The following ZNRF1 variants were observed in gnomAD, a reference collection of about 807,000 sequenced individuals.
ZNRF1 encodes the protein zinc and ring finger 1.
Under a neutral mutation model 18.4 loss-of-function variants are expected in ZNRF1, and 3 were observed. That is an observed-to-expected ratio of 0.16 (90% confidence interval 0.07 to 0.42). The LOEUF (loss-of-function observed/expected upper bound fraction) is 0.42. ZNRF1 is among the 10% of genes least tolerant of loss of function. The pLI is 0.99. For missense variants in ZNRF1, 310 were observed against 329.8 expected, an observed-to-expected ratio of 0.94 and a Z score of 0.47; for synonymous variants, 157 against 144.2, an observed-to-expected ratio of 1.09 and a Z score of -0.64.
chr16:75,035,974 A>AG (rs1359921389), intron 1 of ZNRF1, among the ~76,000 whole-genome samples: 1 of 152,170 alleles, frequency 6.6e-6, no homozygotes, highest in Non-Finnish European at 1.5e-5. Flanking sequence ...ATCTACTGGG[A>AG]GACTACCGTT....
chr16:75,078,215 A>G (rs1164610549), intron 1 of ZNRF1, among the ~76,000 whole-genome samples: 1 of 150,958 alleles, frequency 6.6e-6, no homozygotes, highest in African/African-American at 2.4e-5. Context: ...TGAATGCTGT[A>G]GCTCTGAGCC....
At chr16:75,094,382 C>T (rs996834302) in intron 2 of ZNRF1, among the ~76,000 whole-genome samples, 5 of 152,186 alleles carry the variant, frequency 3.3e-5, no homozygotes, top group African/African-American at 7.2e-5. Flanking sequence ...CCTAACAGGA[C>T]GCCTCTGGGA....
chr16:75,104,952 C>G (rs2036297132), intron 3 of ZNRF1, 63 bp downstream of exon 3: 7 of 1,353,226 alleles, frequency 5.2e-6, no homozygotes, highest in South Asian at 1.3e-5. Context: ...ACCCCCATCT[C>G]CAGCCATTCT....
chr16:75,072,795 A>C (rs1453775519), intron 1 of ZNRF1, among the ~76,000 whole-genome samples: 1 of 152,134 alleles, frequency 6.6e-6, no homozygotes, highest in East Asian at 1.9e-4. Flanking sequence ...GACATGGCTC[A>C]CCCAATTGGA....
chr16:75,041,314 G>A (rs1024340189), intron 1 of ZNRF1, among the ~76,000 whole-genome samples: 2 of 151,930 alleles, frequency 1.3e-5, no homozygotes, highest in African/African-American at 4.8e-5. Flanking sequence ...ACCACATTGT[G>A]ATTTTAATTT....
At chr16:75,020,949 T>G (rs2035139343) in intron 1 of ZNRF1, among the ~76,000 whole-genome samples, 1 of 152,238 alleles carries the variant, frequency 6.6e-6, no homozygotes, top group South Asian at 2.1e-4. Flanking sequence ...ATTAAAATCT[T>G]AAATCAATAT....
chr16:75,047,506 C>G (rs992486881), intron 1 of ZNRF1, among the ~76,000 whole-genome samples: 1 of 152,214 alleles, frequency 6.6e-6, no homozygotes. Context: ...CTTGATTCCA[C>G]GTTTCCGTGG....
intron 1 of ZNRF1, among the ~76,000 whole-genome samples, chr16:75,010,701 G>GTTTTTTTTTTTTTTTTTTTTTT (rs1334552920): frequency 6.3e-5 from 4 of 63,768 alleles, no homozygotes; most frequent in African/African-American, 9.0e-5. Flanking sequence ...GTACTGTACT[G>GTTTTTTTTTTTTTTTTTTTTTT]TTTTTTTTTG....
intron 1 of ZNRF1, among the ~76,000 whole-genome samples, chr16:75,079,274 G>A (rs950620862): frequency 1.3e-5 from 2 of 152,158 alleles, no homozygotes; most frequent in Non-Finnish European, 2.9e-5. Context: ...AAGGTCAAAA[G>A]ATCAAGACCA....
intron 3 of ZNRF1, chr16:75,105,096 G>A (rs2036299422): frequency 2.0e-6 from 1 of 506,456 alleles, no homozygotes; most frequent in Non-Finnish European, 3.6e-6. Flanking sequence ...GAGTGGAGTT[G>A]CCAGAGGTGT....
At chr16:75,000,129 G>C (rs1440842578) in intron 1 of ZNRF1, 34 bp downstream of exon 1, 2 of 1,573,498 alleles carry the variant, frequency 1.3e-6, no homozygotes, top group Non-Finnish European at 1.7e-6. Flanking sequence ...CTCGGAGGGA[G>C]GGCGCGCCGG....
chr16:75,049,257 G>A (rs895328315), intron 1 of ZNRF1, among the ~76,000 whole-genome samples: 1 of 151,964 alleles, frequency 6.6e-6, no homozygotes, highest in Non-Finnish European at 1.5e-5. Context: ...TGCCCGCTTT[G>A]GCCCCCCAAA....
At chr16:75,005,193 A>G (rs147836138) in intron 1 of ZNRF1, among the ~76,000 whole-genome samples, 124 of 152,330 alleles carry the variant, frequency 8.1e-4, no homozygotes, top group Middle Eastern at 6.8e-3. Context: ...TCTATTGTTA[A>G]TGAAAACTTG....
chr16:75,053,329 C>CT (rs1369126885), intron 1 of ZNRF1, among the ~76,000 whole-genome samples: 1 of 152,158 alleles, frequency 6.6e-6, no homozygotes, highest in African/African-American at 2.4e-5. Flanking sequence ...TGGCTCATGC[C>CT]TGTAATCCCA....
At chr16:75,071,552 T>G (rs1021165125) in intron 1 of ZNRF1, among the ~76,000 whole-genome samples, 2 of 152,162 alleles carry the variant, frequency 1.3e-5, no homozygotes, top group Admixed American at 1.3e-4. Flanking sequence ...AAATAGGCAG[T>G]GGCTGCATCT....
At chr16:75,067,322 A>C (rs2035818600) in intron 1 of ZNRF1, among the ~76,000 whole-genome samples, 1 of 152,212 alleles carries the variant, frequency 6.6e-6, no homozygotes, top group East Asian at 1.9e-4. Context: ...GCAGGTGGGA[A>C]GGTCACTCTA....
intron 1 of ZNRF1, among the ~76,000 whole-genome samples, chr16:75,078,406 C>G (rs1597899098): frequency 6.9e-6 from 1 of 145,640 alleles, no homozygotes; most frequent in Non-Finnish European, 1.5e-5. Context: ...TCAAGTGATT[C>G]TCCTGCCTCA....
intron 1 of ZNRF1, among the ~76,000 whole-genome samples, chr16:75,059,128 TGCA>T (rs995798380): frequency 6.6e-6 from 1 of 152,190 alleles, no homozygotes; most frequent in Non-Finnish European, 1.5e-5. Flanking sequence ...GTCAGGACTT[TGCA>T]GCTACCCTTT....
At chr16:75,051,510 G>A (rs552563552) in intron 1 of ZNRF1, among the ~76,000 whole-genome samples, 1 of 149,876 alleles carries the variant, frequency 6.7e-6, no homozygotes, top group African/African-American at 2.5e-5. Flanking sequence ...CATCCAGCCT[G>A]CATCTTCCCC....
Sources: allele counts gnomAD v4.1 joint callset (sites outside exome capture counted in the v4.1 genomes callset), GRCh38; gene constraint gnomAD v4.1.1; transcripts MANE v1.5; gene names NCBI Gene and HGNC (gene_info 2026-07-23, HGNC 2026-07-21).